The following WWC2 variants were observed in gnomAD, a reference collection of about 807,000 sequenced individuals.
The protein encoded by WWC2 is WW and C2 domain containing 2.
A neutral mutation model predicts 138.5 loss-of-function variants in WWC2; 101 were observed. That is an observed-to-expected ratio of 0.73 (90% CI 0.62 to 0.86). The LOEUF is 0.86. WWC2 is among the 40% of genes least tolerant of loss of function. WWC2 has a pLI of 0.00. For synonymous variants in WWC2, 558 were observed against 538.4 expected, an observed-to-expected ratio of 1.04 and a Z score of -0.50; for missense variants, 1,420 against 1,419.4, an observed-to-expected ratio of 1.00 and a Z score of -0.01.
At chr4:183,303,702 G>C (rs1417373164) in intron 21 of WWC2, among the ~76,000 whole-genome samples, 6 of 151,932 alleles carry the variant, frequency 3.9e-5, no homozygotes, top group Non-Finnish European at 8.8e-5. Flanking sequence ...TTTATATCAG[G>C]GAAGCTTTAT....
intron 1 of WWC2, among the ~76,000 whole-genome samples, chr4:183,143,354 C>T (rs1477967677): frequency 6.6e-6 from 1 of 152,146 alleles, no homozygotes; most frequent in African/African-American, 2.4e-5. Context: ...TTCTCAACAG[C>T]TTCTGCAGTA....
chr4:183,309,919 C>G (rs1579077754), intron 21 of WWC2, among the ~76,000 whole-genome samples: 3 of 152,258 alleles, frequency 2.0e-5, no homozygotes, highest in Admixed American at 2.0e-4. Flanking sequence ...CATGAAAAGA[C>G]ATGGAGGAAA....
chr4:183,280,766 C>A lies in WWC2; in HGVS notation c.2563-10C>A. 1 of 1,598,532 alleles carries A rather than the reference C, an allele frequency of 6.3e-7. No homozygotes were observed. The highest frequency in any genetic ancestry group is 8.5e-7 in the Non-Finnish European group (1 of 1,172,420). On this transcript the variant is annotated splice_polypyrimidine_tract_variant and intron_variant, in intron 16 of 22. Transcript: ENST00000403733. Reference sequence around the variant, plus strand: ...ATTATGTTAATTGCCGTATGCTTTACATTCTTCAGGATGCAGTGTCAGCCT... The same window carrying A: ...ATTATGTTAATTGCCGTATGCTTTAAATTCTTCAGGATGCAGTGTCAGCCT...
At chr4:183,111,730 G>A (rs1732239062) in intron 1 of WWC2, among the ~76,000 whole-genome samples, 1 of 149,230 alleles carries the variant, frequency 6.7e-6, no homozygotes, top group Non-Finnish European at 1.5e-5. Context: ...GTCTCACTCT[G>A]TTGCCCAGGC....
At chr4:183,118,229 C>G (rs1217348845) in intron 1 of WWC2, among the ~76,000 whole-genome samples, 3 of 152,164 alleles carry the variant, frequency 2.0e-5, no homozygotes, top group African/African-American at 7.2e-5. Context: ...GGGTAAAGAG[C>G]CTTCATAAAT....
At chr4:183,288,436 G>A (rs753821804) in intron 20 of WWC2, among the ~76,000 whole-genome samples, 6 of 152,050 alleles carry the variant, frequency 3.9e-5, no homozygotes, top group Admixed American at 2.0e-4. Context: ...AAATACCTCC[G>A]TGTTCCCCTC....
intron 1 of WWC2, among the ~76,000 whole-genome samples, chr4:183,116,531 T>C (rs1385973071): frequency 6.6e-6 from 1 of 152,240 alleles, no homozygotes; most frequent in Admixed American, 6.5e-5. Context: ...TCTGTCTGAC[T>C]TCCAAGCTGT....
intron 22 of WWC2, among the ~76,000 whole-genome samples, chr4:183,313,127 G>A (rs1739318213): frequency 6.6e-6 from 1 of 152,152 alleles, no homozygotes; most frequent in Non-Finnish European, 1.5e-5. Context: ...GGACATTGAG[G>A]CGGGAAGAAC....
intron 1 of WWC2, among the ~76,000 whole-genome samples, chr4:183,142,237 C>T (rs1333741133): frequency 6.6e-6 from 1 of 152,154 alleles, no homozygotes; most frequent in African/African-American, 2.4e-5. Context: ...GTTATATTGC[C>T]TGGAAATGCT....
intron 7 of WWC2, 44 bp from the exon 8 acceptor site, chr4:183,249,876 T>A: frequency 6.6e-7 from 1 of 1,507,904 alleles, no homozygotes; most frequent in Non-Finnish European, 9.2e-7. Context: ...ACTTCATTCA[T>A]TAGCAGAGTT....
At chr4:183,122,743 T>C (rs1732639779) in intron 1 of WWC2, among the ~76,000 whole-genome samples, 1 of 152,130 alleles carries the variant, frequency 6.6e-6, no homozygotes, top group Non-Finnish European at 1.5e-5. Flanking sequence ...GGTCTTGAAC[T>C]CCTGGCCTCA....
chr4:183,265,868 C>A lies in WWC2; in HGVS notation c.2124C>A (p.Tyr708Ter). 2 of 1,612,650 alleles carry A rather than the reference C, an allele frequency of 1.2e-6. No individual in the cohort carries two copies. The highest frequency in any genetic ancestry group is 2.2e-5 in the East Asian group (1 of 44,866). ...ETAQVQIGLRYNAKSSSFMVI... is the reference protein window; with the variant it reads ...ETAQVQIGLR ...CATTTAGCCTCTCTTTTGACAGATA[C>A]AATGCAAAAAGTTCAAGTTTCATGG... The change falls in exon 14 of 23, where the codon TAC (tyrosine) becomes TAA (stop). Residue 708 changes from tyrosine (Y) to a stop codon, truncating the protein, a stop_gained. Transcript: ENST00000403733. LOFTEE classifies it high-confidence loss of function.
intron 1 of WWC2, among the ~76,000 whole-genome samples, chr4:183,176,233 A>G (rs4419514): frequency 0.98 from 149,623 of 152,234 alleles, 73,575 homozygotes; most frequent in Middle Eastern, 1. Flanking sequence ...GTATGTTTAA[A>G]TAGCAAAGCA....
chr4:183,184,220 A>G (rs1396813774), intron 1 of WWC2, among the ~76,000 whole-genome samples: 1 of 152,190 alleles, frequency 6.6e-6, no homozygotes, highest in Non-Finnish European at 1.5e-5. Flanking sequence ...ATATAGTGGA[A>G]TCGTACCATA....
intron 1 of WWC2, among the ~76,000 whole-genome samples, chr4:183,143,588 G>A (rs1447371457): frequency 6.6e-6 from 1 of 152,054 alleles, no homozygotes; most frequent in Non-Finnish European, 1.5e-5. Context: ...AGGGTGGATC[G>A]CTTGAGCTCA....
chr4:183,210,144 G>T (rs994817379), intron 4 of WWC2, among the ~76,000 whole-genome samples: 5 of 151,946 alleles, frequency 3.3e-5, no homozygotes, highest in Non-Finnish European at 7.4e-5. Context: ...TTCAATTTCT[G>T]ATTATTAAAA....
intron 4 of WWC2, among the ~76,000 whole-genome samples, chr4:183,219,180 G>A (rs1433158736): frequency 6.6e-6 from 1 of 152,152 alleles, no homozygotes; most frequent in Non-Finnish European, 1.5e-5. Context: ...ACCAGGGGCT[G>A]AGGAAGAAGA....
intron 16 of WWC2, among the ~76,000 whole-genome samples, chr4:183,278,253 G>T (rs1394639839): frequency 6.6e-6 from 1 of 152,018 alleles, no homozygotes; most frequent in African/African-American, 2.4e-5. Context: ...CCCATTTCTT[G>T]TTTTTCTCAG....
chr4:183,225,155 A>G (rs1736036045), intron 4 of WWC2, among the ~76,000 whole-genome samples: 1 of 152,206 alleles, frequency 6.6e-6, no homozygotes, highest in Admixed American at 6.5e-5. Flanking sequence ...CTCTATATGC[A>G]TGAGTGTTTA....
Sources: gnomAD v4.1 joint callset for allele counts (sites outside exome capture counted in the v4.1 genomes callset) on GRCh38, gnomAD v4.1.1 for gene constraint, MANE v1.5 for transcripts, NCBI Gene and HGNC (gene_info 2026-07-23, HGNC 2026-07-21) for gene names.